TMCC1: variants seen among roughly 807,000 people sequenced by gnomAD.
The protein encoded by TMCC1 is transmembrane and coiled-coil domain family 1.
TMCC1 carries 15 observed loss-of-function variants against 52.4 expected under a neutral mutation model. The ratio of observed to expected loss-of-function variants is 0.29; its 90% CI spans 0.19 to 0.44. The LOEUF is 0.44. Among genes scored for constraint, TMCC1 ranks in the 20% least tolerant of loss-of-function variants. The pLI is 1.00. For missense variants in TMCC1, 503 were observed against 806.0 expected (o/e 0.62, Z 4.55); for synonymous variants, 279 against 301.9 (o/e 0.92, Z 0.79).
intron 2 of TMCC1, among the ~76,000 whole-genome samples, chr3:129,879,674 T>A (rs1189353904): frequency 6.6e-6 from 1 of 152,196 alleles, no homozygotes; most frequent in Non-Finnish European, 1.5e-5. Flanking sequence ...AGTAATAATG[T>A]CAAACCTGGG....
At chr3:129,779,650 C>T (rs2055350872) in intron 4 of TMCC1, among the ~76,000 whole-genome samples, 2 of 152,050 alleles carry the variant, frequency 1.3e-5, no homozygotes, top group African/African-American at 4.8e-5. Context: ...GATCAAGAGG[C>T]CTCAAGAAAA....
At chr3:129,709,469 T>C (rs2048486528) in intron 4 of TMCC1, among the ~76,000 whole-genome samples, 2 of 57,048 alleles carry the variant, frequency 3.5e-5, no homozygotes, top group South Asian at 7.6e-4. Flanking sequence ...GAGCGAGACT[T>C]GCCTCAAAAA....
chr3:129,873,052 C>A (rs1446080239), intron 2 of TMCC1, among the ~76,000 whole-genome samples: 1 of 151,988 alleles, frequency 6.6e-6, no homozygotes, highest in African/African-American at 2.4e-5. Context: ...AGGCACCCCC[C>A]ACCACGCTTG....
At chr3:129,804,356 T>C (rs2057348716) in intron 4 of TMCC1, among the ~76,000 whole-genome samples, 1 of 152,206 alleles carries the variant, frequency 6.6e-6, no homozygotes, top group Non-Finnish European at 1.5e-5. Flanking sequence ...TTTGAGTGGT[T>C]ACCCTGCAAA....
intron 4 of TMCC1, among the ~76,000 whole-genome samples, chr3:129,723,360 CTTTTTT>C (rs62761061): frequency 1.9e-5 from 2 of 105,614 alleles, no homozygotes; most frequent in Admixed American, 1.0e-4. Flanking sequence ...AAATCTTTTT[CTTTTTT>C]TTTTTTTTTT....
At position 129,883,845 on chromosome 3, in the gene TMCC1, T is replaced by C. The variant is rs1451610209; in HGVS notation, c.-434-3286A>G. 3.1e-5 allele frequency among the ~76,000 whole-genome samples: 4 copies of C among 128,378 alleles called. No homozygotes were observed. In the East Asian group the frequency reaches 7.7e-4, roughly 25 times the overall value. 84.2% of individuals were successfully genotyped at this position (128,378 alleles called of 152,430 possible). A position where few individuals can be genotyped will look rare whatever the true frequency, so the allele number is the denominator to read the frequency against. On this transcript the variant is annotated intron_variant, in intron 1 of 6. Transcript: ENST00000393238. ...AGATGGTGAAACCTCGCGTCTATTT[T>C]ATTTTATTTTAGAAATAAAAAAATT... is the stretch of plus-strand genomic sequence containing the variant.
At chr3:129,777,955 C>T (rs185831212) in intron 4 of TMCC1, among the ~76,000 whole-genome samples, 19 of 152,304 alleles carry the variant, frequency 1.2e-4, no homozygotes, top group African/African-American at 4.3e-4. Context: ...ATGCCTCCTT[C>T]CTACAAGCAC....
At chr3:129,863,971 A>G (rs531961538) in intron 2 of TMCC1, among the ~76,000 whole-genome samples, 1 of 152,342 alleles carries the variant, frequency 6.6e-6, no homozygotes, top group African/African-American at 2.4e-5. Flanking sequence ...CTCAAAAGAA[A>G]AAATTATTTT....
intron 4 of TMCC1, among the ~76,000 whole-genome samples, chr3:129,775,404 C>G (rs2054954749): frequency 6.6e-6 from 1 of 152,022 alleles, no homozygotes; most frequent in African/African-American, 2.4e-5. Context: ...GAGTTCAAGG[C>G]TGCAGTGAGC....
intron 4 of TMCC1, among the ~76,000 whole-genome samples, chr3:129,741,853 T>A (rs113016822): frequency 8.5e-5 from 13 of 152,250 alleles, no homozygotes; most frequent in African/African-American, 3.1e-4. Context: ...GTATTTTAAC[T>A]CTTACTTATA....
intron 4 of TMCC1, among the ~76,000 whole-genome samples, chr3:129,775,376 A>C (rs2054950259): frequency 6.6e-6 from 1 of 152,116 alleles, no homozygotes; most frequent in Admixed American, 6.5e-5. Context: ...CTGAGGTGGG[A>C]GGACTGTCTG....
Position 129,742,852 on chromosome 3 carries a change from C to A in TMCC1, c.577-71588G>T, listed in dbSNP as rs185631876. 2.0e-3 allele frequency among the ~76,000 whole-genome samples: 301 copies of A among 152,250 alleles called. 1 individual carries two copies. Among genetic ancestry groups the A allele is most frequent in the Non-Finnish European group, 3.2e-3 (218 of 67,988 alleles). On this transcript the variant is annotated intron_variant, in intron 4 of 6. Coordinates refer to ENST00000393238, the MANE Select transcript of TMCC1 (RefSeq NM_001017395.5). ...AGAAATGCATTATGACATGGATAAA[C>A]CTTCAAAACAATGTGCTAAATAAAA... is the stretch of plus-strand genomic sequence containing the variant.
intron 1 of TMCC1, among the ~76,000 whole-genome samples, chr3:129,885,030 T>C (rs1174985837): frequency 6.6e-6 from 1 of 151,880 alleles, no homozygotes; most frequent in Non-Finnish European, 1.5e-5. Flanking sequence ...TCCCAGCTAC[T>C]CGGGGAGCTG....
intron 4 of TMCC1, among the ~76,000 whole-genome samples, chr3:129,762,626 A>G (rs1278319477): frequency 3.3e-5 from 5 of 151,700 alleles, no homozygotes; most frequent in African/African-American, 4.8e-5. Flanking sequence ...CATCTCTCCA[A>G]AAAAAATTAG....
At chr3:129,810,188 T>G (rs192027115) in intron 4 of TMCC1, among the ~76,000 whole-genome samples, 1 of 152,122 alleles carries the variant, frequency 6.6e-6, no homozygotes, top group Non-Finnish European at 1.5e-5. Flanking sequence ...AAAACCCCAT[T>G]TCTACAAAAA....
chr3:129,823,754 T>A (rs1193650329), intron 4 of TMCC1, among the ~76,000 whole-genome samples: 1 of 152,224 alleles, frequency 6.6e-6, no homozygotes, highest in African/African-American at 2.4e-5. Flanking sequence ...ATATTAGCGT[T>A]CTGGATAAAC....
chr3:129,729,658 G>T (rs759634081), intron 4 of TMCC1, among the ~76,000 whole-genome samples: 1 of 151,926 alleles, frequency 6.6e-6, no homozygotes, highest in Non-Finnish European at 1.5e-5. Context: ...GAATCCCATC[G>T]TAAAAAAATA....
At chr3:129,827,661 C>A in intron 4 of TMCC1, 142 bp downstream of exon 4, 2 of 884,716 alleles carry the variant, frequency 2.3e-6, no homozygotes, top group South Asian at 1.9e-5. Context: ...TATTATTTAC[C>A]CATTTGAAAA....
chr3:129,837,723 A>T (rs2059229234), intron 2 of TMCC1, among the ~76,000 whole-genome samples: 1 of 152,244 alleles, frequency 6.6e-6, no homozygotes, highest in South Asian at 2.1e-4. Context: ...GAACTACAAG[A>T]CAGTAAATTA....
Sources: gnomAD v4.1 joint callset for allele counts (sites outside exome capture counted in the v4.1 genomes callset) on GRCh38, gnomAD v4.1.1 for gene constraint, MANE v1.5 for transcripts, NCBI Gene and HGNC (gene_info 2026-07-23, HGNC 2026-07-21) for gene names.